ASZ1: variants seen among roughly 807,000 people sequenced by gnomAD.
The protein encoded by ASZ1 is ankyrin repeat, SAM and basic leucine zipper domain containing 1.
ASZ1 carries 67 observed loss-of-function variants against 61.8 expected under a neutral mutation model. That is an observed-to-expected ratio of 1.08 (90% confidence interval 0.89 to 1.33). The LOEUF is 1.33. ASZ1 is among the 40% of genes most tolerant of loss of function. The probability of loss-of-function intolerance (pLI) is 0.00; values close to 1 mark genes in which losing one functional copy is unlikely to be tolerated. For synonymous variants in ASZ1, 193 were observed against 192.7 expected, an observed-to-expected ratio of 1.00 and a Z score of -0.01; for missense variants, 577 against 554.5, an observed-to-expected ratio of 1.04 and a Z score of -0.41.
chr7:117,393,631 G>T (rs764158065), intron 4 of ASZ1, among the ~76,000 whole-genome samples: 7 of 152,044 alleles, frequency 4.6e-5, no homozygotes, highest in Non-Finnish European at 7.4e-5. Context: ...ATTTTTAGGT[G>T]TGACTTCACT....
chr7:117,368,496 C>A, intron 11 of ASZ1, 116 bp downstream of exon 11: 1 of 1,455,006 alleles, frequency 6.9e-7, no homozygotes. Flanking sequence ...TGTGATTTTG[C>A]AGAACAAACG....
At chr7:117,395,744 A>T (rs1474953451) in intron 4 of ASZ1, among the ~76,000 whole-genome samples, 2 of 152,172 alleles carry the variant, frequency 1.3e-5, no homozygotes, top group African/African-American at 4.8e-5. Flanking sequence ...AATATAATTT[A>T]AAAATTATGA....
rs927257960 is a variant in ASZ1, at chr7:117,395,207, A to G, written c.441-9398T>C. Among the ~76,000 whole-genome samples, 14 of 152,176 alleles carry G rather than the reference A, an allele frequency of 9.2e-5. 1 individual carries two copies. The highest frequency in any genetic ancestry group is 4.1e-4 in the South Asian group (2 of 4,832). ...GAGCGACTCTTTTTCCATTCCAGAGATAACTTTTTTCTTTCAAAAATAACT... is the reference window on the plus strand; with the variant it reads ...GAGCGACTCTTTTTCCATTCCAGAGGTAACTTTTTTCTTTCAAAAATAACT... On this transcript the variant is annotated intron_variant, in intron 4 of 12. Coordinates refer to ENST00000284629, the MANE Select transcript of ASZ1 (RefSeq NM_130768.3).
chr7:117,412,859 A>G (rs889614547), intron 4 of ASZ1, among the ~76,000 whole-genome samples: 1 of 151,840 alleles, frequency 6.6e-6, no homozygotes, highest in African/African-American at 2.4e-5. Flanking sequence ...TGTCAATTGC[A>G]TGTATTTTTT....
At chr7:117,414,155 A>C (rs930875508) in intron 4 of ASZ1, among the ~76,000 whole-genome samples, 1 of 152,216 alleles carries the variant, frequency 6.6e-6, no homozygotes, top group Admixed American at 6.5e-5. Context: ...GAAACGATAG[A>C]TGAGAGATTT....
intron 4 of ASZ1, among the ~76,000 whole-genome samples, chr7:117,417,451 C>T (rs1000035626): frequency 1.3e-5 from 2 of 152,124 alleles, no homozygotes; most frequent in African/African-American, 4.8e-5. Flanking sequence ...TATCTTTTGG[C>T]ACTTTTTACA....
At chr7:117,373,821 G>A (rs1796091335) in intron 10 of ASZ1, among the ~76,000 whole-genome samples, 1 of 151,954 alleles carries the variant, frequency 6.6e-6, no homozygotes, top group Non-Finnish European at 1.5e-5. Flanking sequence ...AGGCAACCCT[G>A]CCATCATACA....
At chr7:117,370,618 A>G (rs1336523506) in intron 10 of ASZ1, among the ~76,000 whole-genome samples, 1 of 152,150 alleles carries the variant, frequency 6.6e-6, no homozygotes, top group Non-Finnish European at 1.5e-5. Context: ...ACAAAATTTG[A>G]ATGGATAACA....
At chr7:117,405,114 C>T (rs1796757381) in intron 4 of ASZ1, among the ~76,000 whole-genome samples, 1 of 152,120 alleles carries the variant, frequency 6.6e-6, no homozygotes. Flanking sequence ...GTATGGGAAC[C>T]TCTATGGACT....
intron 2 of ASZ1, among the ~76,000 whole-genome samples, chr7:117,426,488 CAAAAAA>C (rs10625452): frequency 2.1e-4 from 7 of 34,016 alleles, no homozygotes; most frequent in East Asian, 9.5e-4. Flanking sequence ...GATAACATCT[CAAAAAA>C]AAAAAAAAAA....
intron 2 of ASZ1, among the ~76,000 whole-genome samples, chr7:117,426,561 G>A (rs78918026): frequency 1.2e-3 from 173 of 150,350 alleles, no homozygotes; most frequent in African/African-American, 4.1e-3. Context: ...AATGAAGAGA[G>A]AATTAAGAAT....
intron 8 of ASZ1, 49 bp downstream of exon 8, chr7:117,382,017 CCAA>C: frequency 8.6e-7 from 1 of 1,158,374 alleles, no homozygotes. Flanking sequence ...ATTATATTAA[CCAA>C]CAAATTAACA....
chr7:117,403,648 C>T (rs771493512), intron 4 of ASZ1, among the ~76,000 whole-genome samples: 55 of 152,214 alleles, frequency 3.6e-4, no homozygotes, highest in Admixed American at 9.2e-4. Context: ...ACATTTATAC[C>T]TCATTCCCCA....
chr7:117,391,028 AG>A (rs1796456633), intron 4 of ASZ1, among the ~76,000 whole-genome samples: 1 of 151,846 alleles, frequency 6.6e-6, no homozygotes. Flanking sequence ...GCCATTCTGA[AG>A]GGTGTGAGAT....
intron 4 of ASZ1, among the ~76,000 whole-genome samples, chr7:117,417,891 C>T (rs1797026181): frequency 6.6e-6 from 1 of 152,166 alleles, no homozygotes; most frequent in Admixed American, 6.5e-5. Context: ...AATTCATCTG[C>T]TCATTTAGGA....
chr7:117,372,633 T>G (rs1411157313), intron 10 of ASZ1, among the ~76,000 whole-genome samples: 5 of 152,180 alleles, frequency 3.3e-5, no homozygotes, highest in African/African-American at 1.2e-4. Context: ...AAGATAAAAT[T>G]TACACTTTAA....
rs759971835 is a variant in ASZ1, at chr7:117,385,698, A to T, written c.552T>A (p.Thr184=). 6.3e-7 allele frequency: 1 copy of T among 1,588,984 alleles called. No homozygotes were observed. Among genetic ancestry groups the T allele is most frequent in the African/African-American group, 1.3e-5 (1 of 74,270 alleles). The part of the protein sequence containing the change: ...EVNTQDENGY[T]ALTWAARQGH... Reference sequence around the variant, plus strand: ...GAAACATTGTAAAAATGTTTCTCACAGTGTAACCATTCTCATCCTGGGTAT... The same window carrying T: ...GAAACATTGTAAAAATGTTTCTCACTGTGTAACCATTCTCATCCTGGGTAT... Residue 184 remains threonine (T), a splice_region_variant and synonymous_variant, in exon 5 of 13, where the codon ACT becomes ACA. Coordinates refer to ENST00000284629, the MANE Select transcript of ASZ1 (RefSeq NM_130768.3).
chr7:117,386,486 TCA>T (rs936037891), intron 4 of ASZ1, among the ~76,000 whole-genome samples: 2 of 152,184 alleles, frequency 1.3e-5, no homozygotes, highest in Non-Finnish European at 2.9e-5. Context: ...TGGAAGTTAG[TCA>T]CCTTCTGGGC....
chr7:117,368,604 T>C lies in ASZ1; in HGVS notation c.1161+8A>G, dbSNP rs529769327. On this transcript the variant is annotated splice_region_variant and intron_variant, in intron 11 of 12. Transcript: ENST00000284629. ...ACTTTTCTTCACTTAATAACTTTTGTAGAATACCTTTTGAGAATTTACAGG... is the reference window on the plus strand; with the variant it reads ...ACTTTTCTTCACTTAATAACTTTTGCAGAATACCTTTTGAGAATTTACAGG... 1 of 1,610,190 alleles carries C rather than the reference T, an allele frequency of 6.2e-7. No homozygotes were observed. The highest frequency in any genetic ancestry group is 8.5e-7 in the Non-Finnish European group (1 of 1,178,638).
Sources: gnomAD v4.1 joint callset for allele counts (sites outside exome capture counted in the v4.1 genomes callset) on GRCh38, gnomAD v4.1.1 for gene constraint, MANE v1.5 for transcripts, NCBI Gene and HGNC (gene_info 2026-07-23, HGNC 2026-07-21) for gene names.